Variants in SCD5 observed in about 807,000 individuals in gnomAD.
The protein encoded by SCD5 is acyl-CoA-desaturase 4.
In SCD5, 20 loss-of-function variants were observed where a neutral mutation model predicts 30.4. The ratio of observed to expected loss-of-function variants is 0.66; its 90% CI spans 0.46 to 0.96. The LOEUF is 0.96. Among genes scored for constraint, SCD5 ranks in the 40% least tolerant of loss-of-function variants. The pLI, the probability that SCD5 is intolerant of heterozygous loss-of-function variation, is 0.00. For missense variants in SCD5, 381 were observed against 443.3 expected, an observed-to-expected ratio of 0.86 and a Z score of 1.26; for synonymous variants, 173 against 176.4, an observed-to-expected ratio of 0.98 and a Z score of 0.16.
chr4:82,791,393 A>C (rs919490841), intron 1 of SCD5, among the ~76,000 whole-genome samples: 1 of 151,532 alleles, frequency 6.6e-6, no homozygotes, highest in Non-Finnish European at 1.5e-5. Context: ...CCACCAATCC[A>C]TTGCCAGGGG....
At chr4:82,722,283 T>C (rs1039598338) in intron 1 of SCD5, among the ~76,000 whole-genome samples, 3 of 149,946 alleles carry the variant, frequency 2.0e-5, no homozygotes, top group Non-Finnish European at 4.4e-5. Context: ...AAGGGCTCCA[T>C]CTTGATCATC....
rs537018077 is a variant in SCD5 at position 82,792,181 on chromosome 4, C to T, written c.232+6125G>A. ...CTGAGGCAGGAGAATCGCTTGAACCCAGGAGGCAGAGGTTACAGTGAGCTG... is the reference window on the plus strand; with the variant it reads ...CTGAGGCAGGAGAATCGCTTGAACCTAGGAGGCAGAGGTTACAGTGAGCTG... On this transcript the variant is annotated intron_variant, in intron 1 of 4. Coordinates refer to ENST00000319540, the MANE Select transcript of SCD5 (RefSeq NM_001037582.3). 5.9e-5 allele frequency among the ~76,000 whole-genome samples: 9 copies of T among 152,200 alleles called. No homozygotes were observed. In the South Asian group the frequency reaches 8.3e-4, roughly 14 times the overall value.
At chr4:82,731,735 A>C (rs998889662) in intron 1 of SCD5, among the ~76,000 whole-genome samples, 4 of 152,094 alleles carry the variant, frequency 2.6e-5, no homozygotes, top group Admixed American at 6.5e-5. Flanking sequence ...ATCACACCCC[A>C]CCCACTGAGG....
At chr4:82,760,828 C>G (rs1721348321) in intron 1 of SCD5, among the ~76,000 whole-genome samples, 1 of 152,196 alleles carries the variant, frequency 6.6e-6, no homozygotes, top group Non-Finnish European at 1.5e-5. Context: ...CACAATTCAT[C>G]CCCCTATCTA....
At chr4:82,665,045 C>CACACACATAT (rs3047047) in intron 3 of SCD5, among the ~76,000 whole-genome samples, 1 of 118,048 alleles carries the variant, frequency 8.5e-6, no homozygotes, top group African/African-American at 3.9e-5. Flanking sequence ...CACACACACA[C>CACACACATAT]ATATATACAC....
chr4:82,768,944 T>C (rs1721553287), intron 1 of SCD5, among the ~76,000 whole-genome samples: 1 of 122,302 alleles, frequency 8.2e-6, no homozygotes, highest in African/African-American at 4.3e-5. Context: ...ACCTAAGACT[T>C]TTTTTTTTTT....
At chr4:82,747,628 TCAAA>T (rs766872789) in intron 1 of SCD5, among the ~76,000 whole-genome samples, 3 of 152,222 alleles carry the variant, frequency 2.0e-5, no homozygotes, top group Non-Finnish European at 2.9e-5. Context: ...CAGTAAGTGA[TCAAA>T]CAGATACCAG....
At chr4:82,652,565 T>G (rs1386216207) in intron 3 of SCD5, among the ~76,000 whole-genome samples, 1 of 152,236 alleles carries the variant, frequency 6.6e-6, no homozygotes, top group East Asian at 1.9e-4. Flanking sequence ...GATTCTACCA[T>G]GCATAGAGAT....
intron 3 of SCD5, among the ~76,000 whole-genome samples, chr4:82,662,302 C>T (rs1728030498): frequency 6.6e-6 from 1 of 152,150 alleles, no homozygotes; most frequent in African/African-American, 2.4e-5. Flanking sequence ...ATTCTCTCAC[C>T]TCAGCCTCCA....
intron 2 of SCD5, among the ~76,000 whole-genome samples, chr4:82,690,588 C>G (rs1310463168): frequency 6.6e-6 from 1 of 152,122 alleles, no homozygotes; most frequent in Non-Finnish European, 1.5e-5. Context: ...AGTAATTTTC[C>G]TCTCCACAAT....
intron 1 of SCD5, among the ~76,000 whole-genome samples, chr4:82,759,436 G>C (rs1230425319): frequency 6.6e-6 from 1 of 152,156 alleles, no homozygotes; most frequent in African/African-American, 2.4e-5. Flanking sequence ...TTGGCAGTCA[G>C]ATGTTCTGCT....
At chr4:82,655,712 G>A (rs1417976176) in intron 3 of SCD5, among the ~76,000 whole-genome samples, 4 of 152,122 alleles carry the variant, frequency 2.6e-5, no homozygotes, top group Admixed American at 2.6e-4. Context: ...TTTGAGACTG[G>A]AGCTAAATGT....
At chr4:82,671,965 AG>A (rs1728335585) in intron 3 of SCD5, among the ~76,000 whole-genome samples, 1 of 152,204 alleles carries the variant, frequency 6.6e-6, no homozygotes, top group African/African-American at 2.4e-5. Flanking sequence ...ACATGGGCCA[AG>A]AAAAAAATCT....
At chr4:82,691,301 C>A (rs1443198152) in intron 2 of SCD5, among the ~76,000 whole-genome samples, 1 of 152,186 alleles carries the variant, frequency 6.6e-6, no homozygotes. Context: ...GTTGGGATTA[C>A]AGCTGTGAGC....
intron 1 of SCD5, among the ~76,000 whole-genome samples, chr4:82,727,180 G>A (rs1306254983): frequency 4.6e-5 from 7 of 152,160 alleles, no homozygotes; most frequent in African/African-American, 9.7e-5. Flanking sequence ...CCCTAAACTT[G>A]ACTTTAGGAT....
At chr4:82,735,602 AG>A (rs1358447157) in intron 1 of SCD5, among the ~76,000 whole-genome samples, 1 of 152,206 alleles carries the variant, frequency 6.6e-6, no homozygotes, top group Non-Finnish European at 1.5e-5. Flanking sequence ...GCATGGTGGA[AG>A]GGGGGGCTCC....
At chr4:82,701,086 G>A (rs1381790954) in intron 2 of SCD5, among the ~76,000 whole-genome samples, 1 of 152,194 alleles carries the variant, frequency 6.6e-6, no homozygotes, top group African/African-American at 2.4e-5. Flanking sequence ...TGTCGTAAAA[G>A]ACAGGAGGGA....
At chr4:82,784,591 T>C (rs1241200773) in intron 1 of SCD5, among the ~76,000 whole-genome samples, 4 of 152,246 alleles carry the variant, frequency 2.6e-5, no homozygotes, top group East Asian at 1.9e-4. Flanking sequence ...AAAAGGAGTT[T>C]CTATTCAGAC....
intron 1 of SCD5, among the ~76,000 whole-genome samples, chr4:82,717,359 C>A (rs1374958878): frequency 6.6e-6 from 1 of 151,660 alleles, no homozygotes. Flanking sequence ...GCTTCTGATT[C>A]AGGATAACTC....
Sources: allele counts gnomAD v4.1 joint callset (sites outside exome capture counted in the v4.1 genomes callset), GRCh38; gene constraint gnomAD v4.1.1; transcripts MANE v1.5; gene names NCBI Gene and HGNC (gene_info 2026-07-23, HGNC 2026-07-21).